The following DYNLRB1 variants were observed in gnomAD, a reference collection of about 807,000 sequenced individuals.
DYNLRB1 encodes the protein ROBL/LC7-like 1.
DYNLRB1 carries 6 observed loss-of-function variants against 13.5 expected under a neutral mutation model. That is an observed-to-expected ratio of 0.44 (90% CI 0.24 to 0.88). The LOEUF is 0.88. DYNLRB1 is among the 40% of genes least tolerant of loss of function. DYNLRB1 has a pLI of 0.21. For synonymous variants in DYNLRB1, 43 were observed against 45.0 expected, an observed-to-expected ratio of 0.96 and a Z score of 0.18; for missense variants, 93 against 127.2, an observed-to-expected ratio of 0.73 and a Z score of 1.29.
intron 3 of DYNLRB1, chr20:34,536,183 C>T (rs937649937): frequency 1.5e-5 from 15 of 985,292 alleles, no homozygotes; most frequent in African/African-American, 8.7e-5. Flanking sequence ...CCTGATCCAT[C>T]GGGGAGAAAA....
At chr20:34,530,384 T>C (rs1980619021) in intron 2 of DYNLRB1, 1 of 709,188 alleles carries the variant, frequency 1.4e-6, no homozygotes, top group South Asian at 6.4e-5. Flanking sequence ...CTCTGTTAAG[T>C]TTTCTCATTT....
intron 2 of DYNLRB1, among the ~76,000 whole-genome samples, chr20:34,534,153 G>A (rs1037059212): frequency 6.6e-6 from 1 of 152,174 alleles, no homozygotes; most frequent in Non-Finnish European, 1.5e-5. Context: ...TTGTAAAAGC[G>A]CTTCCTGGTT....
intron 1 of DYNLRB1, among the ~76,000 whole-genome samples, chr20:34,521,508 G>C (rs192894378): frequency 1.8e-3 from 272 of 152,040 alleles, no homozygotes; most frequent in African/African-American, 6.3e-3. Flanking sequence ...TGTTAGATTA[G>C]TTATTCTTAT....
rs971668283 is a variant in DYNLRB1, at chr20:34,536,450, C to G, written c.247+1655C>G. On this transcript the variant is annotated intron_variant, in intron 3 of 3. Coordinates refer to ENST00000357156, the MANE Select transcript of DYNLRB1 (RefSeq NM_014183.4). ...CTGCAGAGGACAAAGCTTCACTCCC[C>G]AAAAGTCGGGCCGGGATGGAGCGCA... is the stretch of plus-strand genomic sequence containing the variant. The G allele has an allele frequency of 1.2e-4, 122 of 985,324 alleles. No homozygotes were observed. The African/African-American group carries it at 1.8e-3, about 15-fold the overall frequency. The allele number at this position is 985,324 out of a possible 1,614,324, so 61.0% of individuals were successfully genotyped here.
At position 34,516,599 on chromosome 20, in the gene DYNLRB1, A is replaced by C. The variant is rs1600535185; in HGVS notation, c.3+138A>C. The C allele has an allele frequency of 6.6e-6, 10 of 1,518,982 alleles. No homozygotes were observed. In the East Asian group the frequency reaches 2.4e-4, roughly 36 times the overall value. The allele number at this position is 1,518,982 out of a possible 1,614,324, so 94.1% of individuals were successfully genotyped here. A position where few individuals can be genotyped will look rare whatever the true frequency, so the allele number is the denominator to read the frequency against. ...CTGGGCGTGGCCGGGCCCGGGCCCC[A>C]GCCGACTTGAGGGTGGAACCCGGCG... On this transcript the variant is annotated intron_variant, in intron 1 of 3. Transcript: ENST00000357156.
rs892510496 is a variant in DYNLRB1 at position 34,539,970 on chromosome 20, G to A, written c.248-611G>A. Among the ~76,000 whole-genome samples the A allele has an allele frequency of 3.3e-5, 5 of 151,854 alleles. No homozygotes were observed. The South Asian group carries it at 8.3e-4, about 25-fold the overall frequency. ...GGTGACAGAGCTCTTGCTCTGTCTC[G>A]CGGAGGGGAAAAAAAGAGAGAGAGA... On this transcript the variant is annotated intron_variant, in intron 3 of 3. Coordinates refer to ENST00000357156, the MANE Select transcript of DYNLRB1 (RefSeq NM_014183.4).
At chr20:34,531,621 G>A (rs1980719483) in intron 2 of DYNLRB1, among the ~76,000 whole-genome samples, 1 of 152,208 alleles carries the variant, frequency 6.6e-6, no homozygotes, top group South Asian at 2.1e-4. Context: ...ACTAGTAAAA[G>A]TAGACCCTTT....
chr20:34,540,664 G>A lies in DYNLRB1; in HGVS notation c.*40G>A. On this transcript the variant is annotated 3_prime_UTR_variant, in exon 4 of 4. Transcript: ENST00000357156. The stretch of plus-strand genomic sequence containing the variant: ...TCCCTGTGTCATTCCTTAATTTAAT[G>A]CCCCCCAAGAATGTTAATGTCAATC... 3 of 1,598,734 alleles carry A rather than the reference G, an allele frequency of 1.9e-6. No individual in the cohort carries two copies. The highest frequency in any genetic ancestry group is 1.7e-5 in the Admixed American group (1 of 59,456).
At chr20:34,539,930 A>G (rs781381098) in intron 3 of DYNLRB1, among the ~76,000 whole-genome samples, 3 of 152,036 alleles carry the variant, frequency 2.0e-5, no homozygotes, top group Admixed American at 6.5e-5. Flanking sequence ...TGATCGCACC[A>G]CTGTACTCAG....
intron 3 of DYNLRB1, among the ~76,000 whole-genome samples, chr20:34,537,117 G>A (rs555561852): frequency 6.6e-6 from 1 of 152,272 alleles, no homozygotes; most frequent in African/African-American, 2.4e-5. Flanking sequence ...TCACAGGCCT[G>A]GAGATCCCAC....
chr20:34,534,474 G>A (rs1980963946), intron 2 of DYNLRB1, among the ~76,000 whole-genome samples, 154 bp from the exon 3 acceptor site: 1 of 152,226 alleles, frequency 6.6e-6, no homozygotes, highest in Non-Finnish European at 1.5e-5. Flanking sequence ...CATGCTTCGG[G>A]TGCTCAGCAC....
rs1555791453 is a variant in DYNLRB1, at chr20:34,528,336, A to AAC, written c.79+1994_79+1995insCA. Among the ~76,000 whole-genome samples, 91 of 145,008 alleles carry AAC rather than the reference A, an allele frequency of 6.3e-4. 21 individuals are homozygous for AAC. The highest frequency in any genetic ancestry group is 1.1e-3 in the Non-Finnish European group (71 of 64,154). The stretch of plus-strand genomic sequence containing the variant: ...CAAAAAAAAAAAAAAAAAAAAAAAA[A>AAC]AAAAAAAACTACCCTACTGGAGTTT... On this transcript the variant is annotated intron_variant, in intron 2 of 3. Coordinates refer to ENST00000357156, the MANE Select transcript of DYNLRB1 (RefSeq NM_014183.4).
At chr20:34,528,925 A>G (rs534239884) in intron 2 of DYNLRB1, among the ~76,000 whole-genome samples, 1 of 152,258 alleles carries the variant, frequency 6.6e-6, no homozygotes, top group African/African-American at 2.4e-5. Context: ...AGTTTGCTTC[A>G]AGGCTTCTTG....
intron 2 of DYNLRB1, chr20:34,529,893 C>G: frequency 6.6e-7 from 1 of 1,522,000 alleles, no homozygotes; most frequent in Non-Finnish European, 8.8e-7. Flanking sequence ...CAGGAGCAGG[C>G]CCCCTGCTCA....
chr20:34,537,718 A>T (rs1231391093), intron 3 of DYNLRB1, among the ~76,000 whole-genome samples: 3 of 152,198 alleles, frequency 2.0e-5, no homozygotes, highest in Non-Finnish European at 4.4e-5. Context: ...CACAGGACCC[A>T]GGGGTGGCCA....
Position 34,526,155 on chromosome 20 carries a change from TG to T in DYNLRB1, c.4-112del, listed in dbSNP as rs1980188057. The T allele has an allele frequency of 3.5e-6, 4 of 1,155,710 alleles. No individual in the cohort carries two copies. The Admixed American group carries it at 7.7e-5, about 22-fold the overall frequency. 71.6% of individuals were successfully genotyped at this position (1,155,710 alleles called of 1,614,324 possible). On this transcript the variant is annotated intron_variant, in intron 1 of 3. Transcript: ENST00000357156. Reference sequence around the variant, plus strand: ...GAACTTTGAGGGTGTGCCAGGTGCCTGAGTATTACTTGTTTGTTGTTGGAAG... The same window carrying T: ...GAACTTTGAGGGTGTGCCAGGTGCCTAGTATTACTTGTTTGTTGTTGGAAG...
intron 2 of DYNLRB1, among the ~76,000 whole-genome samples, chr20:34,531,565 C>A (rs939338573): frequency 6.6e-6 from 1 of 152,190 alleles, no homozygotes; most frequent in African/African-American, 2.4e-5. Context: ...ACACAGCTCC[C>A]GCTTATATGG....
At chr20:34,518,668 G>A (rs1312684512) in intron 1 of DYNLRB1, among the ~76,000 whole-genome samples, 1 of 151,402 alleles carries the variant, frequency 6.6e-6, no homozygotes, top group Non-Finnish European at 1.5e-5. Context: ...TGCCCAGGCT[G>A]GTCTTGAACT....
chr20:34,538,484 A>T (rs1353355281), intron 3 of DYNLRB1, among the ~76,000 whole-genome samples: 2 of 152,062 alleles, frequency 1.3e-5, no homozygotes, highest in African/African-American at 4.8e-5. Context: ...TATTAACTTC[A>T]CTAGTATTAA....
Sources: gnomAD v4.1 joint callset for allele counts (sites outside exome capture counted in the v4.1 genomes callset) on GRCh38, gnomAD v4.1.1 for gene constraint, MANE v1.5 for transcripts, NCBI Gene and HGNC (gene_info 2026-07-23, HGNC 2026-07-21) for gene names.